Variants in MYPN observed in about 807,000 individuals in gnomAD.
The protein encoded by MYPN is myopalladin.
Under a neutral mutation model 129.4 loss-of-function variants are expected in MYPN, and 63 were observed. That is an observed-to-expected ratio of 0.49 (90% CI 0.40 to 0.60). MYPN has a LOEUF of 0.60. MYPN is among the 20% of genes least tolerant of loss of function. The probability of loss-of-function intolerance (pLI) is 0.00; values close to 1 mark genes in which losing one functional copy is unlikely to be tolerated. For synonymous variants in MYPN, 629 were observed against 600.9 expected, an observed-to-expected ratio of 1.05 and a Z score of -0.68; for missense variants, 1,596 against 1,635.4, an observed-to-expected ratio of 0.98 and a Z score of 0.42.
intron 8 of MYPN, among the ~76,000 whole-genome samples, chr10:68,162,412 G>T (rs1301806385): frequency 6.6e-6 from 1 of 152,116 alleles, no homozygotes; most frequent in South Asian, 2.1e-4. Context: ...CATAGCCTAG[G>T]TATCTCAAAA....
intron 1 of MYPN, among the ~76,000 whole-genome samples, chr10:68,096,961 G>C (rs796317847): frequency 6.6e-6 from 1 of 152,154 alleles, no homozygotes; most frequent in African/African-American, 2.4e-5. Flanking sequence ...GCATAAACTG[G>C]ATATACTGCT....
At chr10:68,188,085 T>C (rs917377428) in intron 12 of MYPN, among the ~76,000 whole-genome samples, 12 of 152,098 alleles carry the variant, frequency 7.9e-5, no homozygotes, top group African/African-American at 2.9e-4. Context: ...AAAGCAGACA[T>C]GGGGTTAAGA....
At chr10:68,153,635 C>T (rs148521705) in intron 6 of MYPN, among the ~76,000 whole-genome samples, 15 of 152,188 alleles carry the variant, frequency 9.9e-5, no homozygotes, top group Admixed American at 1.3e-4. Context: ...GGCTCAGATT[C>T]CAGAAAGACT....
intron 6 of MYPN, among the ~76,000 whole-genome samples, chr10:68,152,928 C>G (rs565222812): frequency 2.1e-4 from 32 of 151,924 alleles, no homozygotes; most frequent in African/African-American, 6.0e-4. Flanking sequence ...AACCACCACA[C>G]CCGGCTAACA....
In MYPN at chr10:68,145,376, G is replaced by C. The variant is rs1589552919; in HGVS notation, c.1079-99G>C. ...AGGTATTCAGATATTTAGGAATCAGGTAAACAAAGTATCATCTTAAAAATC... is the reference window on the plus strand; with the variant it reads ...AGGTATTCAGATATTTAGGAATCAGCTAAACAAAGTATCATCTTAAAAATC... On this transcript the variant is annotated intron_variant, in intron 3 of 19. Transcript: ENST00000358913. 7.3e-6 allele frequency: 7 copies of C among 964,980 alleles called. No individual in the cohort carries two copies. The East Asian group carries it at 1.8e-4, about 24-fold the overall frequency. 59.8% of individuals were successfully genotyped at this position (964,980 alleles called of 1,614,324 possible). A position where few individuals can be genotyped will look rare whatever the true frequency, so the allele number is the denominator to read the frequency against.
chr10:68,198,589 C>T (rs1200749477), intron 16 of MYPN, among the ~76,000 whole-genome samples: 1 of 152,110 alleles, frequency 6.6e-6, no homozygotes, highest in Non-Finnish European at 1.5e-5. Context: ...TGCTACATCC[C>T]CCTCCCTAAA....
chr10:68,139,881 C>T (rs528861286), intron 2 of MYPN, among the ~76,000 whole-genome samples: 11 of 152,188 alleles, frequency 7.2e-5, no homozygotes, highest in Admixed American at 2.6e-4. Context: ...AAGACCAATA[C>T]GGTCCTCTCG....
chr10:68,115,853 C>T (rs117066184), intron 1 of MYPN, among the ~76,000 whole-genome samples: 180 of 152,322 alleles, frequency 1.2e-3, no homozygotes, highest in Non-Finnish European at 2.2e-3. Context: ...ATACAAAACA[C>T]TCACCTCTTC....
At chr10:68,156,311 A>C (rs1408443210) in intron 6 of MYPN, among the ~76,000 whole-genome samples, 3 of 152,212 alleles carry the variant, frequency 2.0e-5, no homozygotes, top group Non-Finnish European at 4.4e-5. Context: ...CCATTTGAGC[A>C]CACAATTTGC....
rs1184731495 is a variant in MYPN, at chr10:68,185,900, T to C, written c.2704-3005T>C. Among the ~76,000 whole-genome samples the C allele has an allele frequency of 2.6e-5, 4 of 152,240 alleles. No individual in the cohort carries two copies. In the South Asian group the frequency reaches 8.3e-4, roughly 32 times the overall value. On this transcript the variant is annotated intron_variant, in intron 12 of 19. Transcript: ENST00000358913. Reference sequence around the variant, plus strand: ...AATACTTCAAACTTGTGAGACCATTTAATATATTTCTGGAAAATGTAGTCA... The same window carrying C: ...AATACTTCAAACTTGTGAGACCATTCAATATATTTCTGGAAAATGTAGTCA...
chr10:68,206,956 TA>T (rs1157008489), intron 19 of MYPN, 53 bp downstream of exon 19: 2 of 1,609,084 alleles, frequency 1.2e-6, no homozygotes, highest in East Asian at 2.2e-5. Flanking sequence ...AGCTTAAAAA[TA>T]TTTTTTTAAA....
intron 1 of MYPN, among the ~76,000 whole-genome samples, chr10:68,095,581 T>C (rs1057392725): frequency 6.6e-6 from 1 of 152,188 alleles, no homozygotes; most frequent in Non-Finnish European, 1.5e-5. Flanking sequence ...AGAGCTCTGT[T>C]ACAGAGTCTT....
rs540699329 is a variant in MYPN at position 68,128,615 on chromosome 10, A to G, written c.902+6275A>G. 9.8e-5 allele frequency among the ~76,000 whole-genome samples: 15 copies of G among 152,344 alleles called. No individual in the cohort carries two copies. The East Asian group carries it at 1.7e-3, about 18-fold the overall frequency. On this transcript the variant is annotated intron_variant, in intron 2 of 19. Coordinates refer to ENST00000358913, the MANE Select transcript of MYPN (RefSeq NM_032578.4). ...CAAATTCCCTGCCTTCATGCAGCAT[A>G]GAGTATAGTAAGGAACACAGATAAT...
At chr10:68,117,218 C>T (rs1424970342) in intron 1 of MYPN, among the ~76,000 whole-genome samples, 1 of 147,944 alleles carries the variant, frequency 6.8e-6, no homozygotes, top group Admixed American at 6.8e-5. Context: ...GAGCGAAACT[C>T]TGTCTTAAAA....
chr10:68,167,423 A>C (rs2043071846), intron 10 of MYPN, among the ~76,000 whole-genome samples: 1 of 152,226 alleles, frequency 6.6e-6, no homozygotes, highest in South Asian at 2.1e-4. Context: ...AGGATGAATA[A>C]GTGGTCATGA....
intron 16 of MYPN, 151 bp from the exon 17 acceptor site, chr10:68,199,217 C>T (rs1437234743): frequency 2.6e-6 from 2 of 771,740 alleles, no homozygotes; most frequent in Non-Finnish European, 4.5e-6. Context: ...TCAGACTCTT[C>T]GTTTCTCTCG....
At chr10:68,145,757 T>A (rs1053503303) in intron 4 of MYPN, among the ~76,000 whole-genome samples, 1 of 152,224 alleles carries the variant, frequency 6.6e-6, no homozygotes, top group African/African-American at 2.4e-5. Context: ...ATTTACTCCC[T>A]ACAGAGGATG....
chr10:68,190,559 G>A (rs1335493966), intron 13 of MYPN, among the ~76,000 whole-genome samples: 1 of 151,980 alleles, frequency 6.6e-6, no homozygotes, highest in African/African-American at 2.4e-5. Context: ...TGAGTTGTTT[G>A]GGTTCCTTAT....
intron 18 of MYPN, 131 bp downstream of exon 18, chr10:68,202,125 AT>A (rs1388856842): frequency 8.8e-7 from 1 of 1,141,194 alleles, no homozygotes; most frequent in Non-Finnish European, 1.3e-6. Flanking sequence ...CATTGATATT[AT>A]TGTGTGTATT....
Sources: gnomAD v4.1 joint callset for allele counts (sites outside exome capture counted in the v4.1 genomes callset) on GRCh38, gnomAD v4.1.1 for gene constraint, MANE v1.5 for transcripts, NCBI Gene and HGNC (gene_info 2026-07-23, HGNC 2026-07-21) for gene names.